FZD6: variants seen among roughly 807,000 people sequenced by gnomAD.
FZD6 encodes the protein frizzled class receptor 6.
Under a neutral mutation model 61.4 loss-of-function variants are expected in FZD6, and 49 were observed. The observed-to-expected ratio is 0.80, with a 90% CI of 0.63 to 1.01. FZD6 has a LOEUF of 1.01. Ranked by LOEUF, FZD6 falls within the 50% of genes least tolerant of loss-of-function variation. FZD6 has a pLI of 0.00. For synonymous variants in FZD6, 265 were observed against 292.2 expected (o/e 0.91, Z 0.95); for missense variants, 724 against 848.2 (o/e 0.85, Z 1.82).
intron 2 of FZD6, among the ~76,000 whole-genome samples, chr8:103,302,652 T>C (rs1386556550): frequency 6.6e-6 from 1 of 152,226 alleles, no homozygotes; most frequent in East Asian, 1.9e-4. Flanking sequence ...ATATTTCTTA[T>C]GATTTAGAAT....
intron 4 of FZD6, 103 bp downstream of exon 4, chr8:103,325,601 A>G: frequency 2.1e-6 from 2 of 957,816 alleles, no homozygotes; most frequent in South Asian, 2.6e-5. Context: ...TCAGGTGAGA[A>G]AATACAAGAG....
At chr8:103,318,443 A>G in intron 2 of FZD6, 147 bp from the exon 3 acceptor site, 1 of 651,602 alleles carries the variant, frequency 1.5e-6, no homozygotes, top group Admixed American at 2.4e-5. Context: ...CCCATTGTGT[A>G]TGAAGAGTTC....
chr8:103,315,044 T>C (rs999330608), intron 2 of FZD6, among the ~76,000 whole-genome samples: 1 of 152,208 alleles, frequency 6.6e-6, no homozygotes, highest in African/African-American at 2.4e-5. Flanking sequence ...CCAAAGCTTA[T>C]AGGGAGCCCT....
At position 103,324,650 on chromosome 8, in the gene FZD6, G is replaced by A. The variant is rs147788385; in HGVS notation, c.544G>A (p.Ala182Thr). 1,168 of 1,614,150 alleles carry A rather than the reference G, an allele frequency of 7.2e-4. No individual in the cohort carries two copies. The highest frequency in any genetic ancestry group is 9.5e-4 in the Non-Finnish European group (1,117 of 1,180,002). Residue 182 changes from alanine to threonine, a missense_variant, in exon 4 of 7, where the codon GCG becomes ACG. Coordinates refer to ENST00000358755, the MANE Select transcript of FZD6 (RefSeq NM_003506.4). ...TAAGTTTCTGGGAATTGACCAGTGT[G>A]CGCCTCCATGCCCCAACATGTATTT... Reference protein sequence around the residue: ...GYKFLGIDQCAPPCPNMYFKS... With the variant: ...GYKFLGIDQCTPPCPNMYFKS...
chr8:103,313,606 G>T (rs568980092), intron 2 of FZD6, among the ~76,000 whole-genome samples: 2 of 152,276 alleles, frequency 1.3e-5, no homozygotes, highest in African/African-American at 4.8e-5. Flanking sequence ...GTGTGCATGT[G>T]TGCACACACA....
chr8:103,328,492 G>A (rs1815021683), intron 5 of FZD6, 76 bp downstream of exon 5: 4 of 1,108,280 alleles, frequency 3.6e-6, no homozygotes, highest in Middle Eastern at 2.0e-4. Flanking sequence ...TCAAATCAAT[G>A]TACTAGAGTT....
In FZD6 at chr8:103,324,976, T is replaced by C. The variant is rs1393281023; in HGVS notation, c.870T>C (p.Tyr290=). 3 of 1,614,036 alleles carry C rather than the reference T, an allele frequency of 1.9e-6. No individual in the cohort carries two copies. The Admixed American group carries it at 5.0e-5, about 27-fold the overall frequency. ...GCACCGTTTTGTTCATGCTTTTGTA[T>C]TTTTTCACAATGGCTGGCACTGTGT... ...KACTVLFMLL[Y]FFTMAGTVWW... The change falls in exon 4 of 7, where the codon TAT becomes TAC. Residue 290 remains tyrosine (Y), a synonymous_variant. Coordinates refer to ENST00000358755, the MANE Select transcript of FZD6 (RefSeq NM_003506.4).
chr8:103,319,669 A>G (rs1461580944), intron 3 of FZD6, among the ~76,000 whole-genome samples: 1 of 152,234 alleles, frequency 6.6e-6, no homozygotes, highest in African/African-American at 2.4e-5. Context: ...CCTGTTGGCA[A>G]GATGTCAGTC....
At chr8:103,310,437 A>G (rs115650608) in intron 2 of FZD6, among the ~76,000 whole-genome samples, 1 of 150,876 alleles carries the variant, frequency 6.6e-6, no homozygotes, top group Non-Finnish European at 1.5e-5. Flanking sequence ...ACAACCTGCT[A>G]TTTTTTTTTA....
Position 103,325,000 on chromosome 8 carries a change from G to A in FZD6, c.894G>A (p.Val298=). Residue 298 remains valine (V), a synonymous_variant, in exon 4 of 7, where the codon GTG becomes GTA. Coordinates refer to ENST00000358755, the MANE Select transcript of FZD6 (RefSeq NM_003506.4). ...LLYFFTMAGT[V]WWVILTITWF... ...ATTTTTTCACAATGGCTGGCACTGT[G>A]TGGTGGGTGATTCTTACCATTACTT... 1 of 1,614,152 alleles carries A rather than the reference G, an allele frequency of 6.2e-7. No individual in the cohort carries two copies. Among genetic ancestry groups the A allele is most frequent in the Non-Finnish European group, 8.5e-7 (1 of 1,180,032 alleles).
intron 6 of FZD6, among the ~76,000 whole-genome samples, 197 bp from the exon 7 acceptor site, chr8:103,331,144 C>T (rs889991363): frequency 6.6e-6 from 1 of 151,894 alleles, no homozygotes; most frequent in African/African-American, 2.4e-5. Flanking sequence ...GCTATTATTG[C>T]ACTCCAGCCT....
At chr8:103,307,673 T>C in intron 2 of FZD6, 1 of 438,814 alleles carries the variant, frequency 2.3e-6, no homozygotes, top group African/African-American at 2.1e-5. Context: ...CTCTTAATTC[T>C]TTTAACTCTG....
At chr8:103,298,866 C>T (rs951332228), upstream of FZD6, 2 of 157,104 alleles carry the variant, frequency 1.3e-5, no homozygotes, top group Admixed American at 1.3e-4. Context: ...TCGCTCAGCT[C>T]TCGCTCCCCG....
intron 2 of FZD6, among the ~76,000 whole-genome samples, chr8:103,308,584 C>T (rs1443178571): frequency 1.3e-5 from 2 of 152,134 alleles, no homozygotes; most frequent in African/African-American, 4.8e-5. Context: ...ATTGTTTCTT[C>T]ATGAGTCATT....
At chr8:103,329,013 T>TATATATATATATATATA (rs1815041877) in intron 5 of FZD6, among the ~76,000 whole-genome samples, 1 of 115,178 alleles carries the variant, frequency 8.7e-6, no homozygotes, top group African/African-American at 3.0e-5. Flanking sequence ...CATTTTAGTT[T>TATATATATATATATATA]TATATATATA....
At chr8:103,319,934 T>C (rs927393351) in intron 3 of FZD6, among the ~76,000 whole-genome samples, 4 of 152,140 alleles carry the variant, frequency 2.6e-5, no homozygotes, top group African/African-American at 9.7e-5. Context: ...GAAAGAACTA[T>C]TTTAAGAACT....
rs772095488 is a variant in FZD6 at position 103,324,700 on chromosome 8, A to G, written c.594A>G (p.Ala198=). 4.3e-6 allele frequency: 7 copies of G among 1,614,100 alleles called. No individual in the cohort carries two copies. The highest frequency in any genetic ancestry group is 2.2e-5 in the South Asian group (2 of 91,078). ...TTAAAAGTGATGAGCTAGAGTTTGC[A>G]AAAAGTTTTATTGGAACAGTTTCAA... The part of the protein sequence containing the change: ...MYFKSDELEF[A]KSFIGTVSIF... Residue 198 remains alanine (A), a synonymous_variant, in exon 4 of 7, where the codon GCA becomes GCG. Transcript: ENST00000358755.
Position 103,325,282 on chromosome 8 carries a change from C to T in FZD6, c.1176C>T (p.Ser392=), listed in dbSNP as rs1209022114. 1.2e-6 allele frequency: 2 copies of T among 1,614,060 alleles called. No individual in the cohort carries two copies. The highest frequency in any genetic ancestry group is 1.7e-5 in the Admixed American group (1 of 60,014). ...CTCTTCTTTTAGCTGGCATTATTTC[C>T]TTAAATCATGTTCGACAAGTCATAC... ...GLSLLLAGII[S]LNHVRQVIQH... Residue 392 remains serine, a synonymous_variant, in exon 4 of 7, where the codon TCC becomes TCT. Coordinates refer to ENST00000358755, the MANE Select transcript of FZD6 (RefSeq NM_003506.4).
chr8:103,314,666 GC>G (rs1814582695), intron 2 of FZD6, among the ~76,000 whole-genome samples: 1 of 152,170 alleles, frequency 6.6e-6, no homozygotes, highest in Admixed American at 6.5e-5. Flanking sequence ...ATCCTTCATA[GC>G]TATTGTCCTC....
Sources: allele counts gnomAD v4.1 joint callset (sites outside exome capture counted in the v4.1 genomes callset), GRCh38; gene constraint gnomAD v4.1.1; transcripts MANE v1.5; gene names NCBI Gene and HGNC (gene_info 2026-07-23, HGNC 2026-07-21).